Variants in CSMD1 observed in about 807,000 individuals in gnomAD.
CSMD1 encodes CUB and sushi domain-containing protein 1.
A neutral mutation model predicts 417.5 loss-of-function variants in CSMD1; 213 were observed. The ratio of observed to expected loss-of-function variants is 0.51; its 90% CI spans 0.46 to 0.57. The LOEUF (loss-of-function observed/expected upper bound fraction) is 0.57, where lower values mean the gene tolerates loss of function less well. Among genes scored for constraint, CSMD1 ranks in the 20% least tolerant of loss-of-function variants. The probability of loss-of-function intolerance (pLI) is 0.00; values close to 1 mark genes in which losing one functional copy is unlikely to be tolerated. For missense variants in CSMD1, 6,923 were observed against 4,529.7 expected (o/e 1.53, Z -15.17); for synonymous variants, 2,862 against 1,736.8 (o/e 1.65, Z -16.11).
chr8:4,623,331 A>C (rs1465025944), intron 2 of CSMD1, among the ~76,000 whole-genome samples: 1 of 152,176 alleles, frequency 6.6e-6, no homozygotes, highest in East Asian at 1.9e-4. Flanking sequence ...AAAAAGGCTG[A>C]GTACACTAAA....
At chr8:3,909,105 G>A (rs907989275) in intron 5 of CSMD1, among the ~76,000 whole-genome samples, 3 of 152,170 alleles carry the variant, frequency 2.0e-5, no homozygotes, top group African/African-American at 4.8e-5. Context: ...CTGGGCTGGA[G>A]ACAACTAAAG....
chr8:3,296,769 A>G (rs963444949), intron 25 of CSMD1, among the ~76,000 whole-genome samples: 4 of 152,074 alleles, frequency 2.6e-5, no homozygotes, highest in Non-Finnish European at 5.9e-5. Flanking sequence ...AGAAACTGGA[A>G]AAGTGGAGTT....
rs757317402 is a variant in CSMD1 at position 3,997,877 on chromosome 8, T to C, written c.818+26A>G. 2.5e-6 allele frequency: 4 copies of C among 1,595,062 alleles called. No homozygotes were observed. In the East Asian group the frequency reaches 6.7e-5, roughly 27 times the overall value. On this transcript the variant is annotated intron_variant, in intron 5 of 69. Coordinates refer to ENST00000635120, the MANE Select transcript of CSMD1 (RefSeq NM_033225.6). ...AACGGGGAAAACACACCTGTATCCT[T>C]TGTGGCATCTCTTCCCGGGACTTAC...
chr8:4,291,428 G>A (rs189175381), intron 3 of CSMD1, among the ~76,000 whole-genome samples: 11 of 152,054 alleles, frequency 7.2e-5, no homozygotes, highest in Admixed American at 6.5e-4. Flanking sequence ...AACCTCCAAA[G>A]CATGGTAGAA....
intron 1 of CSMD1, among the ~76,000 whole-genome samples, chr8:4,669,068 C>T (rs1805127997): frequency 6.6e-6 from 1 of 152,134 alleles, no homozygotes; most frequent in Non-Finnish European, 1.5e-5. Context: ...TTACACAGCT[C>T]TTAATTTTTA....
chr8:4,174,279 A>G (rs978611251), intron 3 of CSMD1, among the ~76,000 whole-genome samples: 30 of 152,148 alleles, frequency 2.0e-4, no homozygotes, highest in African/African-American at 6.8e-4. Context: ...AATAGAGGCT[A>G]AGTATTTCAT....
chr8:4,144,138 G>C (rs1246711683), intron 3 of CSMD1, among the ~76,000 whole-genome samples: 2 of 151,060 alleles, frequency 1.3e-5, no homozygotes, highest in South Asian at 2.1e-4. Flanking sequence ...CCCAGACCCA[G>C]ATGTTTCCCT....
At chr8:4,555,157 T>G (rs1563282362) in intron 2 of CSMD1, among the ~76,000 whole-genome samples, 1 of 152,202 alleles carries the variant, frequency 6.6e-6, no homozygotes, top group Non-Finnish European at 1.5e-5. Context: ...ACTTTTACAT[T>G]TGAAAAGATC....
intron 1 of CSMD1, among the ~76,000 whole-genome samples, chr8:4,979,625 T>G (rs1429634186): frequency 6.6e-6 from 1 of 152,256 alleles, no homozygotes; most frequent in African/African-American, 2.4e-5. Flanking sequence ...ATTGTCTAAT[T>G]GTTCTAATTG....
chr8:4,118,740 G>A (rs1011464996), intron 3 of CSMD1, among the ~76,000 whole-genome samples: 1 of 152,168 alleles, frequency 6.6e-6, no homozygotes, highest in Admixed American at 6.5e-5. Flanking sequence ...TCCCATTACT[G>A]GGTATATGCC....
intron 2 of CSMD1, among the ~76,000 whole-genome samples, chr8:4,476,622 G>C (rs944064301): frequency 6.6e-6 from 1 of 152,162 alleles, no homozygotes; most frequent in Non-Finnish European, 1.5e-5. Flanking sequence ...GTTTGAGACT[G>C]CCTTTAGAAA....
chr8:4,181,729 TAAAAC>T (rs35695769), intron 3 of CSMD1, among the ~76,000 whole-genome samples: 44,679 of 151,836 alleles, frequency 0.29, 6,753 homozygotes, highest in South Asian at 0.41. Flanking sequence ...ATTCTAAACA[TAAAAC>T]AAAATAAACA....
chr8:3,891,401 C>T (rs1044575774), intron 5 of CSMD1, among the ~76,000 whole-genome samples: 2 of 151,994 alleles, frequency 1.3e-5, no homozygotes, highest in African/African-American at 4.8e-5. Context: ...CATCCGAGGC[C>T]AGGTATGGTG....
intron 1 of CSMD1, among the ~76,000 whole-genome samples, chr8:4,991,040 C>G (rs746690944): frequency 3.9e-5 from 6 of 152,116 alleles, no homozygotes; most frequent in Non-Finnish European, 7.4e-5. Flanking sequence ...GTTGTGTGTG[C>G]TCTCCTTTAG....
chr8:3,543,376 A>C (rs1798524862), intron 10 of CSMD1, among the ~76,000 whole-genome samples: 1 of 152,144 alleles, frequency 6.6e-6, no homozygotes, highest in African/African-American at 2.4e-5. Context: ...TGACTTTTGA[A>C]AATAATCACT....
intron 10 of CSMD1, among the ~76,000 whole-genome samples, chr8:3,528,596 T>C (rs1797851994): frequency 6.6e-6 from 1 of 152,244 alleles, no homozygotes. Context: ...CAACACACAA[T>C]TTGAATTTCA....
Position 4,041,171 on chromosome 8 carries a change from C to T in CSMD1, c.416-9072G>A, listed in dbSNP as rs112085423. ...AGCTGGGACTACAGGCGCCCGCCAC[C>T]ACGCCCGGCTAATTTTTTTGTATTT... On this transcript the variant is annotated intron_variant, in intron 3 of 69. Coordinates refer to ENST00000635120, the MANE Select transcript of CSMD1 (RefSeq NM_033225.6). Among the ~76,000 whole-genome samples, 1,339 of 151,866 alleles carry T rather than the reference C, an allele frequency of 8.8e-3. 20 individuals are homozygous for T. The highest frequency in any genetic ancestry group is 0.03 in the African/African-American group (1,223 of 41,438).
At chr8:3,864,286 C>A (rs904128628) in intron 5 of CSMD1, among the ~76,000 whole-genome samples, 1 of 152,054 alleles carries the variant, frequency 6.6e-6, no homozygotes, top group South Asian at 2.1e-4. Flanking sequence ...AATAATTTGG[C>A]CAATATTTGT....
chr8:4,606,094 T>C (rs1273850560), intron 2 of CSMD1, among the ~76,000 whole-genome samples: 1 of 152,126 alleles, frequency 6.6e-6, no homozygotes, highest in African/African-American at 2.4e-5. Context: ...ATATCTCACG[T>C]TCAAAATTGA....
Sources: allele counts gnomAD v4.1 joint callset (sites outside exome capture counted in the v4.1 genomes callset), GRCh38; gene constraint gnomAD v4.1.1; transcripts MANE v1.5; gene names NCBI Gene and HGNC (gene_info 2026-07-23, HGNC 2026-07-21).